KIAA0319: variants seen among roughly 807,000 people sequenced by gnomAD.
KIAA0319 encodes dyslexia-associated protein KIAA0319.
In KIAA0319, 83 loss-of-function variants were observed where a neutral mutation model predicts 108.4. That is an observed-to-expected ratio of 0.77 (90% CI 0.64 to 0.92). The LOEUF (loss-of-function observed/expected upper bound fraction) is 0.92. Among genes scored for constraint, KIAA0319 ranks in the 40% least tolerant of loss-of-function variants. The probability of loss-of-function intolerance (pLI) is 0.00; values close to 1 mark genes in which losing one functional copy is unlikely to be tolerated. For synonymous variants in KIAA0319, 484 were observed against 510.4 expected (o/e 0.95, Z 0.70); for missense variants, 1,195 against 1,322.4 (o/e 0.90, Z 1.49).
chr6:24,596,496 C>T lies in KIAA0319; in HGVS notation c.178G>A (p.Ala60Thr), dbSNP rs770086452. Residue 60 changes from alanine to threonine, a missense_variant, in exon 3 of 21, where the codon GCT becomes ACT. Physicochemically the swap from Ala to Thr is moderately conservative, Grantham distance 58. Coordinates refer to ENST00000378214, the MANE Select transcript of KIAA0319 (RefSeq NM_014809.4). Reference sequence around the variant, plus strand: ...TCACAGCTGGACAGGTCACAGCAAGCGGCCGTGCAGTCTACGACAGGGAAG... The same window carrying T: ...TCACAGCTGGACAGGTCACAGCAAGTGGCCGTGCAGTCTACGACAGGGAAG... ...HTFPVVDCTA[A>T]CCDLSSCDLA... 1.5e-5 allele frequency: 24 copies of T among 1,614,100 alleles called. No individual in the cohort carries two copies. Among genetic ancestry groups the T allele is most frequent in the South Asian group, 1.2e-4 (11 of 91,080 alleles).
At chr6:24,572,840 G>T in intron 10 of KIAA0319, 142 bp from the exon 11 acceptor site, 2 of 856,880 alleles carry the variant, frequency 2.3e-6, no homozygotes, top group Non-Finnish European at 1.7e-6. Flanking sequence ...GTTTGGCCAG[G>T]CACGGTGGTT....
intron 4 of KIAA0319, among the ~76,000 whole-genome samples, chr6:24,587,033 G>A (rs536788394): frequency 3.3e-5 from 5 of 151,856 alleles, no homozygotes; most frequent in African/African-American, 7.2e-5. Context: ...CCTCCACACC[G>A]ATGACTCGTA....
At chr6:24,540,239 T>C (rs1291844990), downstream of KIAA0319, among the ~76,000 whole-genome samples, 1 of 152,192 alleles carries the variant, frequency 6.6e-6, no homozygotes, top group African/African-American at 2.4e-5. Context: ...ATACTGTACA[T>C]AATTGTATGT....
At chr6:24,593,523 G>T (rs769742331) in intron 3 of KIAA0319, among the ~76,000 whole-genome samples, 3 of 150,794 alleles carry the variant, frequency 2.0e-5, no homozygotes, top group Non-Finnish European at 4.4e-5. Context: ...CTCCCGAGTA[G>T]CTGGGAAGCT....
At position 24,599,507 on chromosome 6, in the gene KIAA0319, C is replaced by T. The variant is rs891530648; in HGVS notation, c.55+1542G>A. ...TGATGATCATCAAGCCAACCCTGGA[C>T]ATCGAGATTGTCACCTACAGGAAGG... On this transcript the variant is annotated intron_variant, in intron 2 of 20. Coordinates refer to ENST00000378214, the MANE Select transcript of KIAA0319 (RefSeq NM_014809.4). The surrounding 1 kb of genome is among the most constrained non-coding windows in gnomAD (Gnocchi z 4.1). 1.8e-6 allele frequency: 1 copy of T among 567,994 alleles called. No individual in the cohort carries two copies. The highest frequency in any genetic ancestry group is 4.2e-5 in the East Asian group (1 of 23,676). 35.2% of individuals were successfully genotyped at this position (567,994 alleles called of 1,614,324 possible).
intron 3 of KIAA0319, 104 bp from the exon 4 acceptor site, chr6:24,588,889 T>G: frequency 1.1e-6 from 1 of 947,910 alleles, no homozygotes; most frequent in Non-Finnish European, 1.6e-6. Context: ...GCTTTGGTAA[T>G]GTTTGAAAAA....
At chr6:24,593,461 C>T (rs1229761700) in intron 3 of KIAA0319, among the ~76,000 whole-genome samples, 2 of 142,058 alleles carry the variant, frequency 1.4e-5, no homozygotes, top group African/African-American at 2.7e-5. Flanking sequence ...GGTGCGATCT[C>T]GGCTCATTGC....
At chr6:24,639,798 G>A (rs1776682704) in intron 1 of KIAA0319, among the ~76,000 whole-genome samples, 1 of 146,646 alleles carries the variant, frequency 6.8e-6, no homozygotes, top group Admixed American at 6.9e-5. Context: ...AGTGAGCCGA[G>A]ACCACACCAT....
chr6:24,578,750 A>T (rs1765912009), intron 8 of KIAA0319, among the ~76,000 whole-genome samples: 1 of 152,216 alleles, frequency 6.6e-6, no homozygotes, highest in Non-Finnish European at 1.5e-5. Context: ...GAACAAACAT[A>T]ATGTGCCATG....
chr6:24,639,740 C>T (rs985022572), intron 1 of KIAA0319, among the ~76,000 whole-genome samples: 9 of 151,438 alleles, frequency 5.9e-5, no homozygotes, highest in South Asian at 2.1e-4. Flanking sequence ...CCCAGCTACT[C>T]GGGAGGCTGA....
intron 10 of KIAA0319, 108 bp from the exon 11 acceptor site, chr6:24,572,806 A>T: frequency 9.0e-7 from 1 of 1,111,336 alleles, no homozygotes. Flanking sequence ...CTTAATACAG[A>T]GATCTTGCTC....
intron 4 of KIAA0319, among the ~76,000 whole-genome samples, chr6:24,587,867 C>T (rs1285185822): frequency 6.6e-6 from 1 of 152,230 alleles, no homozygotes; most frequent in Non-Finnish European, 1.5e-5. Flanking sequence ...GAATTACAGG[C>T]GTGAGCCACC....
At chr6:24,577,703 A>G (rs187318433) in intron 9 of KIAA0319, among the ~76,000 whole-genome samples, 4 of 152,342 alleles carry the variant, frequency 2.6e-5, no homozygotes, top group Admixed American at 2.6e-4. Flanking sequence ...CCACACAACC[A>G]AGATCCAACT....
intron 4 of KIAA0319, 48 bp downstream of exon 4, chr6:24,588,545 C>T: frequency 6.6e-7 from 1 of 1,513,850 alleles, no homozygotes; most frequent in East Asian, 2.3e-5. Context: ...CCAAATTCTA[C>T]AGCCTGTCTT....
At chr6:24,633,091 TG>T (rs1472224459) in intron 1 of KIAA0319, among the ~76,000 whole-genome samples, 1 of 152,134 alleles carries the variant, frequency 6.6e-6, no homozygotes, top group Admixed American at 6.5e-5. Flanking sequence ...GGGGAGCTGC[TG>T]GAAAGATAAT....
At chr6:24,590,091 A>G (rs1054192508) in intron 3 of KIAA0319, among the ~76,000 whole-genome samples, 1 of 152,186 alleles carries the variant, frequency 6.6e-6, no homozygotes, top group Non-Finnish European at 1.5e-5. Flanking sequence ...ATTCAAATGT[A>G]AATCAGAGAG....
rs1333061554 is a variant in KIAA0319, at chr6:24,599,278, A to C, written c.55+1771T>G. ...TGTTATACAAAGATGGAGATCTCTG[A>C]GATGAATCAGAACATCAGCCGGCTC... On this transcript the variant is annotated intron_variant, in intron 2 of 20. Transcript: ENST00000378214. The surrounding 1 kb of genome is among the most constrained non-coding windows in gnomAD (Gnocchi z 4.1). The C allele has an allele frequency of 4.1e-6, 2 of 490,006 alleles. No individual in the cohort carries two copies. The highest frequency in any genetic ancestry group is 3.9e-5 in the African/African-American group (2 of 51,154). 30.4% of individuals were successfully genotyped at this position (490,006 alleles called of 1,614,324 possible).
chr6:24,578,073 G>A (rs1765802678), intron 9 of KIAA0319, 37 bp downstream of exon 9: 2 of 1,562,846 alleles, frequency 1.3e-6, no homozygotes, highest in South Asian at 2.4e-5. Flanking sequence ...CAAAATGTAA[G>A]TAGCAGGCAG....
chr6:24,568,782 C>A lies in KIAA0319; in HGVS notation c.2139G>T (p.Lys713Asn). 6.2e-7 allele frequency: 1 copy of A among 1,613,884 alleles called. No homozygotes were observed. Among genetic ancestry groups the A allele is most frequent in the Non-Finnish European group, 8.5e-7 (1 of 1,179,940 alleles). The part of the protein sequence containing the change: ...STSTLTVAVK[K>N]ENNSPPRARA... Reference sequence around the variant, plus strand: ...CCTGTCCACCTCAGACCCACTCACCCTTCTTCACAGCCACAGTGAGGGTGG... The same window carrying A: ...CCTGTCCACCTCAGACCCACTCACCATTCTTCACAGCCACAGTGAGGGTGG... The change falls in exon 13 of 21, where the codon AAG (lysine) becomes AAT (asparagine). Residue 713 changes from lysine to asparagine, a missense_variant and splice_region_variant. Physicochemically the swap from Lys to Asn is moderately conservative, Grantham distance 94. Coordinates refer to ENST00000378214, the MANE Select transcript of KIAA0319 (RefSeq NM_014809.4).
Sources: allele counts gnomAD v4.1 joint callset (sites outside exome capture counted in the v4.1 genomes callset), GRCh38; gene constraint gnomAD v4.1.1; non-coding constraint Gnocchi (gnomAD v3.1); transcripts MANE v1.5; gene names NCBI Gene and HGNC (gene_info 2026-07-23, HGNC 2026-07-21).